The following DLGAP4 variants were observed in gnomAD, a reference collection of about 807,000 sequenced individuals.
DLGAP4 encodes the protein disks large-associated protein 4.
DLGAP4 carries 18 observed loss-of-function variants against 86.9 expected under a neutral mutation model. The ratio of observed to expected loss-of-function variants is 0.21; its 90% CI spans 0.14 to 0.31. DLGAP4 has a LOEUF of 0.31. Among genes scored for constraint, DLGAP4 ranks in the 10% least tolerant of loss-of-function variants. The probability of loss-of-function intolerance (pLI) is 1.00; values close to 1 mark genes in which losing one functional copy is unlikely to be tolerated. For missense variants in DLGAP4, 1,085 were observed against 1,362.6 expected (o/e 0.80, Z 3.21); for synonymous variants, 548 against 574.3 (o/e 0.95, Z 0.65).
chr20:36,331,274 G>A (rs904586445), intron 1 of DLGAP4, among the ~76,000 whole-genome samples: 4 of 152,248 alleles, frequency 2.6e-5, no homozygotes, highest in African/African-American at 9.6e-5. Flanking sequence ...ACGAGGGGAA[G>A]AGTGTGAGAG....
intron 10 of DLGAP4, among the ~76,000 whole-genome samples, chr20:36,502,217 A>G (rs6014132): frequency 5.6e-4 from 86 of 152,310 alleles, no homozygotes; most frequent in African/African-American, 2.0e-3. Context: ...TACTATGAGT[A>G]TGTAAATATT....
chr20:36,519,027 G>A (rs2037206301), intron 10 of DLGAP4, among the ~76,000 whole-genome samples: 1 of 151,754 alleles, frequency 6.6e-6, no homozygotes, highest in Non-Finnish European at 1.5e-5. Context: ...TGAGGCAGGA[G>A]AATCGCTTGA....
chr20:36,446,979 G>C, intron 7 of DLGAP4, 42 bp downstream of exon 7: 1 of 1,563,802 alleles, frequency 6.4e-7, no homozygotes, highest in South Asian at 1.2e-5. Flanking sequence ...TTCTTTTCAA[G>C]GGGACCCCAA....
rs1219366151 is a variant in DLGAP4, at chr20:36,527,785, TCACACTC to T, written c.*757_*763del. The T allele has an allele frequency of 1.3e-5, 2 of 152,702 alleles. No individual in the cohort carries two copies. The highest frequency in any genetic ancestry group is 4.8e-5 in the African/African-American group (2 of 41,420). The allele number at this position is 152,702 out of a possible 1,614,324, so 9.5% of individuals were successfully genotyped here. Reference sequence around the variant, plus strand: ...TGGAAATGAGACGAAGCCACAGTTATCACACTCCAGACTCCTGCCCTTTTATTTTCTC... The same window carrying T: ...TGGAAATGAGACGAAGCCACAGTTATCAGACTCCTGCCCTTTTATTTTCTC... On this transcript the variant is annotated 3_prime_UTR_variant, in exon 13 of 13. Transcript: ENST00000339266.
At chr20:36,334,399 AG>A (rs1463764852) in intron 1 of DLGAP4, among the ~76,000 whole-genome samples, 4 of 152,130 alleles carry the variant, frequency 2.6e-5, no homozygotes, top group Non-Finnish European at 5.9e-5. Context: ...ACAGATGAGA[AG>A]GAGTGTGACC....
chr20:36,313,308 C>G (rs2065069259), intron 1 of DLGAP4, among the ~76,000 whole-genome samples: 1 of 152,300 alleles, frequency 6.6e-6, no homozygotes, highest in South Asian at 2.1e-4. Flanking sequence ...CTGCCTTTCT[C>G]CCTCCGTGGC....
In DLGAP4 at chr20:36,416,118, T is replaced by C. The variant is rs1244326253; in HGVS notation, c.-72-15528T>C. ...TTATCTAAGCCATGACTTATTTATTTATTTACTTACTTATTTATTCGGAGA... is the reference window on the plus strand; with the variant it reads ...TTATCTAAGCCATGACTTATTTATTCATTTACTTACTTATTTATTCGGAGA... On this transcript the variant is annotated intron_variant, in intron 2 of 12. Coordinates refer to ENST00000339266, the MANE Select transcript of DLGAP4 (RefSeq NM_001365621.2). 2.6e-5 allele frequency among the ~76,000 whole-genome samples: 4 copies of C among 152,182 alleles called. No individual in the cohort carries two copies. The East Asian group carries it at 7.7e-4, about 29-fold the overall frequency.
rs1353623672 is a variant in DLGAP4 at position 36,315,481 on chromosome 20, C to T, written c.-304+8969C>T. Among the ~76,000 whole-genome samples, 5 of 151,716 alleles carry T rather than the reference C, an allele frequency of 3.3e-5. No homozygotes were observed. In the South Asian group the frequency reaches 8.3e-4, roughly 25 times the overall value. On this transcript the variant is annotated intron_variant, in intron 1 of 12. Transcript: ENST00000339266. ...CACGTGGACTGGTGACAGGAGGAAACTGAGGCTTGGAGCCATGAAGCAGCC... is the reference window on the plus strand; with the variant it reads ...CACGTGGACTGGTGACAGGAGGAAATTGAGGCTTGGAGCCATGAAGCAGCC...
At chr20:36,334,652 A>C (rs1384102944) in intron 1 of DLGAP4, among the ~76,000 whole-genome samples, 1 of 152,124 alleles carries the variant, frequency 6.6e-6, no homozygotes, top group Non-Finnish European at 1.5e-5. Flanking sequence ...TTAGAGGCAG[A>C]GCCTGCTGGA....
At chr20:36,513,737 G>C (rs1392553419) in intron 10 of DLGAP4, among the ~76,000 whole-genome samples, 1 of 152,078 alleles carries the variant, frequency 6.6e-6, no homozygotes, top group East Asian at 1.9e-4. Context: ...AGATAGAACA[G>C]GATTTCTCGA....
chr20:36,461,413 G>T, intron 7 of DLGAP4: 1 of 964,182 alleles, frequency 1.0e-6, no homozygotes, highest in South Asian at 4.7e-5. Context: ...GACGCGGGGG[G>T]CGGGGAGGGG....
chr20:36,511,409 G>T (rs2036687430), intron 10 of DLGAP4, among the ~76,000 whole-genome samples: 1 of 151,940 alleles, frequency 6.6e-6, no homozygotes, highest in Non-Finnish European at 1.5e-5. Flanking sequence ...TCACTATGTT[G>T]TCCAGGCTGG....
intron 10 of DLGAP4, among the ~76,000 whole-genome samples, chr20:36,506,838 A>C (rs2036402180): frequency 6.6e-6 from 1 of 152,090 alleles, no homozygotes; most frequent in Non-Finnish European, 1.5e-5. Flanking sequence ...TCCTACCCCC[A>C]GCCACTGGCA....
rs1424060410 is a variant in DLGAP4 at position 36,439,790 on chromosome 20, G to T, written c.1278G>T (p.Leu426=). 3 of 1,613,702 alleles carry T rather than the reference G, an allele frequency of 1.9e-6. No individual in the cohort carries two copies. Among genetic ancestry groups the T allele is most frequent in the South Asian group, 2.2e-5 (2 of 91,072 alleles). The change falls in exon 5 of 13, where the codon CTG becomes CTT. Residue 426 remains leucine, a synonymous_variant. Transcript: ENST00000339266. ...GCCTGGATTCAGTGGACATGCTGCT[G>T]CCCTCCAAGTGTCCGAGCTGGGAAG... The part of the protein sequence containing the change: ...LDRLDSVDML[L]PSKCPSWEED...
At chr20:36,352,062 G>A (rs4453743) in intron 1 of DLGAP4, among the ~76,000 whole-genome samples, 54,909 of 151,970 alleles carry the variant, frequency 0.36, 10,382 homozygotes, top group East Asian at 0.59. Context: ...AGAAGCTCAG[G>A]GGAATGAGGG....
chr20:36,525,164 G>A lies in DLGAP4; in HGVS notation c.2605-687G>A, dbSNP rs1015778917. Among the ~76,000 whole-genome samples the A allele has an allele frequency of 1.1e-3, 151 of 136,470 alleles. 1 individual carries two copies. The highest frequency in any genetic ancestry group is 1.8e-4 in the Non-Finnish European group (12 of 65,578). 89.5% of individuals were successfully genotyped at this position (136,470 alleles called of 152,430 possible). A position where few individuals can be genotyped will look rare whatever the true frequency, so the allele number is the denominator to read the frequency against. Reference sequence around the variant, plus strand: ...ACCCGGGAGGTGGAACTTGCAGTGAGCCGAGATCGCGTCACTGCATCCAGC... The same window carrying A: ...ACCCGGGAGGTGGAACTTGCAGTGAACCGAGATCGCGTCACTGCATCCAGC... On this transcript the variant is annotated intron_variant, in intron 11 of 12. Transcript: ENST00000339266.
At chr20:36,369,867 A>AT (rs1269963456) in intron 2 of DLGAP4, among the ~76,000 whole-genome samples, 1 of 152,192 alleles carries the variant, frequency 6.6e-6, no homozygotes, top group African/African-American at 2.4e-5. Context: ...TTTGCTAAGC[A>AT]TTTTTTATCT....
rs1238991444 is a variant in DLGAP4, at chr20:36,446,905, C to T, written c.1616C>T (p.Thr539Ile). 1.2e-6 allele frequency: 2 copies of T among 1,611,864 alleles called. No homozygotes were observed. The highest frequency in any genetic ancestry group is 2.7e-5 in the African/African-American group (2 of 74,910). Residue 539 changes from threonine (T) to isoleucine (I), a missense_variant, in exon 7 of 13, where the codon ACC becomes ATC. By Grantham distance (89) the Thr-to-Ile change is moderately conservative. Coordinates refer to ENST00000339266, the MANE Select transcript of DLGAP4 (RefSeq NM_001365621.2). ...SLQSLSPPPS[T>I]GSLSNSRTLP... ...CAGTCCCTCTCCCCACCGCCCAGTA[C>T]CGGCAGCCTCAGCAATAGTCGCACG...
At chr20:36,499,822 G>A in intron 9 of DLGAP4, 146 bp downstream of exon 9, 1 of 740,018 alleles carries the variant, frequency 1.4e-6, no homozygotes, top group Non-Finnish European at 2.3e-6. Flanking sequence ...GCCCAGGCAT[G>A]GGAGGCTGGG....
Sources: allele counts gnomAD v4.1 joint callset (sites outside exome capture counted in the v4.1 genomes callset), GRCh38; gene constraint gnomAD v4.1.1; transcripts MANE v1.5; gene names NCBI Gene and HGNC (gene_info 2026-07-23, HGNC 2026-07-21).